Variants in PRH1 observed in about 807,000 individuals in gnomAD.
The protein encoded by PRH1 is salivary acidic proline-rich phosphoprotein 1/2.
PRH1 carries 7 observed loss-of-function variants against 7.9 expected under a neutral mutation model. The ratio of observed to expected loss-of-function variants is 0.89; its 90% CI spans 0.50 to 1.67. PRH1 has a LOEUF of 1.67. PRH1 is among the 40% of genes most tolerant of loss of function. The probability of loss-of-function intolerance (pLI) is 0.00; values close to 1 mark genes in which losing one functional copy is unlikely to be tolerated. For synonymous variants in PRH1, 45 were observed against 80.8 expected (o/e 0.56, Z 2.38); for missense variants, 109 against 223.6 (o/e 0.49, Z 3.27).
intron 1 of PRH1, chr12:11,091,570 G>A (rs201144595): frequency 0.3 from 274,981 of 902,514 alleles, 82,939 homozygotes; most frequent in Admixed American, 0.41. Flanking sequence ...GGACCTTGGT[G>A]CTGGGATCTT....
chr12:11,042,623 C>CTTTTTTTTTTTTTTTGTTTTTTTTTTT (rs1942752802), intron 1 of PRH1, among the ~76,000 whole-genome samples: 1 of 79,320 alleles, frequency 1.3e-5, no homozygotes, highest in Non-Finnish European at 2.3e-5. Context: ...CAGGCTCATT[C>CTTTTTTTTTTTTTTTGTTTTTTTTTTT]TTTTTTTTTT....
intron 2 of PRH1, among the ~76,000 whole-genome samples, chr12:10,947,101 T>C (rs924244743): frequency 1.3e-5 from 2 of 152,150 alleles, no homozygotes; most frequent in Non-Finnish European, 2.9e-5. Flanking sequence ...GAATGTATAT[T>C]CTCTTATTTG....
At chr12:10,987,482 A>G (rs1939708558) in intron 1 of PRH1, among the ~76,000 whole-genome samples, 1 of 152,082 alleles carries the variant, frequency 6.6e-6, no homozygotes, top group Non-Finnish European at 1.5e-5. Flanking sequence ...GGTTGCTGCT[A>G]ACCCAATACT....
intron 1 of PRH1, among the ~76,000 whole-genome samples, chr12:11,084,789 AT>A (rs1944632661): frequency 8.7e-6 from 1 of 114,674 alleles, no homozygotes; most frequent in Non-Finnish European, 2.1e-5. Context: ...TTATTTATTT[AT>A]TTATTTATTC....
At chr12:10,938,512 A>T in intron 2 of PRH1, 1 of 1,614,062 alleles carries the variant, frequency 6.2e-7, no homozygotes. Context: ...AAGTGATCAC[A>T]CTTTTAACTC....
chr12:11,133,559 T>G (rs1470244439), intron 1 of PRH1: 1 of 1,614,106 alleles, frequency 6.2e-7, no homozygotes, highest in Admixed American at 1.7e-5. Context: ...GGTCACAGTT[T>G]GCAAAGCTTT....
chr12:11,161,552 G>T (rs977748076), intron 1 of PRH1, among the ~76,000 whole-genome samples: 2 of 152,162 alleles, frequency 1.3e-5, no homozygotes, highest in African/African-American at 4.8e-5. Flanking sequence ...GTGTGCCAGG[G>T]TTGTTCTCCA....
chr12:11,025,899 C>A (rs1312482224), intron 1 of PRH1, among the ~76,000 whole-genome samples: 1 of 152,292 alleles, frequency 6.6e-6, no homozygotes, highest in Non-Finnish European at 1.5e-5. Flanking sequence ...AAATCATTTT[C>A]TATGGGGAAA....
intron 1 of PRH1, among the ~76,000 whole-genome samples, chr12:11,168,022 TTAA>T (rs2136472179): frequency 6.6e-6 from 1 of 151,976 alleles, no homozygotes; most frequent in South Asian, 2.1e-4. Context: ...ACAATAGATC[TTAA>T]TAATCTGACA....
chr12:11,145,671 C>T (rs186695921), intron 1 of PRH1, among the ~76,000 whole-genome samples: 3 of 152,222 alleles, frequency 2.0e-5, no homozygotes, highest in African/African-American at 7.2e-5. Flanking sequence ...TACATACTAA[C>T]AGAGTATACA....
At chr12:10,991,181 G>T (rs906237729) in intron 1 of PRH1, among the ~76,000 whole-genome samples, 1 of 152,076 alleles carries the variant, frequency 6.6e-6, no homozygotes, top group Non-Finnish European at 1.5e-5. Context: ...AAAACAGAAT[G>T]ATAAAAACAT....
chr12:11,025,262 G>A (rs922335016), intron 1 of PRH1, among the ~76,000 whole-genome samples: 1 of 151,988 alleles, frequency 6.6e-6, no homozygotes, highest in African/African-American at 2.4e-5. Flanking sequence ...AATGCTCCTT[G>A]CGTGTTCAAC....
chr12:11,149,830 A>C (rs1157099341), intron 1 of PRH1, among the ~76,000 whole-genome samples: 1 of 131,410 alleles, frequency 7.6e-6, no homozygotes, highest in East Asian at 2.0e-4. Flanking sequence ...GGATCTCATT[A>C]AACTCAAGAG....
chr12:11,154,243 T>C (rs1947187732), intron 1 of PRH1, among the ~76,000 whole-genome samples: 1 of 152,128 alleles, frequency 6.6e-6, no homozygotes, highest in African/African-American at 2.4e-5. Context: ...CCAATTCAAC[T>C]GAAATACATT....
At chr12:11,057,501 T>C (rs1943412925) in intron 1 of PRH1, among the ~76,000 whole-genome samples, 2 of 152,234 alleles carry the variant, frequency 1.3e-5, no homozygotes, top group Non-Finnish European at 2.9e-5. Context: ...TTGAAGCCTC[T>C]GAAATTCTCC....
chr12:11,047,139 G>A (rs777937726), exon 1 of PRH1: 2 of 438,056 alleles, frequency 4.6e-6, no homozygotes, highest in Non-Finnish European at 1.0e-5. Flanking sequence ...AAAAGCTGGC[G>A]CCTTCTTGTC....
chr12:10,889,915 T>C (rs181668783), intron 2 of PRH1, among the ~76,000 whole-genome samples: 21 of 152,326 alleles, frequency 1.4e-4, no homozygotes, highest in Admixed American at 1.2e-3. Flanking sequence ...TCCATTCATT[T>C]TGAGTGTCTA....
chr12:11,103,689 A>T (rs906271563), intron 1 of PRH1, among the ~76,000 whole-genome samples: 1 of 152,052 alleles, frequency 6.6e-6, no homozygotes, highest in Non-Finnish European at 1.5e-5. Flanking sequence ...AAGTAAAATA[A>T]AAATAAATAA....
At chr12:11,119,181 G>A (rs931368563), downstream of PRH1, among the ~76,000 whole-genome samples, 1 of 152,040 alleles carries the variant, frequency 6.6e-6, no homozygotes, top group Non-Finnish European at 1.5e-5. Flanking sequence ...GGCAAGCATT[G>A]CACTTTCTCA....
Sources: allele counts gnomAD v4.1 joint callset (sites outside exome capture counted in the v4.1 genomes callset), GRCh38; gene constraint gnomAD v4.1.1; transcripts MANE v1.5; gene names NCBI Gene and HGNC (gene_info 2026-07-23, HGNC 2026-07-21).